CHN2: variants seen among roughly 807,000 people sequenced by gnomAD.
CHN2 encodes the protein beta-chimaerin.
Under a neutral mutation model 56.3 loss-of-function variants are expected in CHN2, and 35 were observed. That is an observed-to-expected ratio of 0.62 (90% CI 0.47 to 0.82). The LOEUF (loss-of-function observed/expected upper bound fraction) is 0.82. Ranked by LOEUF, CHN2 falls within the 40% of genes least tolerant of loss-of-function variation. CHN2 has a pLI of 0.00. For missense variants in CHN2, 491 were observed against 580.5 expected (o/e 0.85, Z 1.58); for synonymous variants, 210 against 212.8 (o/e 0.99, Z 0.12).
chr7:29,293,715 C>G (rs1381746486), intron 1 of CHN2, among the ~76,000 whole-genome samples: 1 of 152,204 alleles, frequency 6.6e-6, no homozygotes, highest in Non-Finnish European at 1.5e-5. Context: ...CAAGCACGTA[C>G]TTGAAAGGCA....
intron 1 of CHN2, among the ~76,000 whole-genome samples, chr7:29,255,466 C>T (rs1288168831): frequency 6.6e-6 from 1 of 152,168 alleles, no homozygotes; most frequent in Admixed American, 6.5e-5. Context: ...TAGAACCTTC[C>T]AGCCATGAGG....
rs1489033406 is a variant in CHN2, at chr7:29,472,277, A to ACACACACACACACACACACACG, written c.577-7989_577-7968dup. ...AGAAGCTTTTCAAAACAAAATACAC[A>ACACACACACACACACACACACG]CACACACACACACACACACACGCAC... On this transcript the variant is annotated intron_variant, in intron 6 of 12. Coordinates refer to ENST00000222792, the MANE Select transcript of CHN2 (RefSeq NM_004067.4). Among the ~76,000 whole-genome samples, 65 of 136,642 alleles carry ACACACACACACACACACACACG rather than the reference A, an allele frequency of 4.8e-4. 1 individual carries two copies. Among genetic ancestry groups the ACACACACACACACACACACACG allele is most frequent in the South Asian group, 3.9e-3 (18 of 4,626 alleles). 89.6% of individuals were successfully genotyped at this position (136,642 alleles called of 152,430 possible).
intron 3 of CHN2, among the ~76,000 whole-genome samples, chr7:29,372,417 G>T (rs1330205225): frequency 1.3e-5 from 2 of 152,050 alleles, no homozygotes; most frequent in Admixed American, 6.5e-5. Context: ...CTTGTTTATT[G>T]TATCTGTGGC....
chr7:29,403,637 C>T (rs1018316840), intron 6 of CHN2, among the ~76,000 whole-genome samples: 4 of 151,020 alleles, frequency 2.6e-5, no homozygotes, highest in Admixed American at 1.3e-4. Context: ...TTTTAATAAC[C>T]GTAGATGAGA....
intron 6 of CHN2, among the ~76,000 whole-genome samples, chr7:29,419,069 A>T (rs1034786105): frequency 6.6e-6 from 1 of 151,918 alleles, no homozygotes; most frequent in African/African-American, 2.4e-5. Context: ...ATTTTCCAAG[A>T]ACTGACAACT....
chr7:29,190,219 G>A (rs1267394965), upstream of CHN2, among the ~76,000 whole-genome samples: 1 of 152,248 alleles, frequency 6.6e-6, no homozygotes, highest in Non-Finnish European at 1.5e-5. Context: ...GCATTTTGAT[G>A]TTGAGAAATT....
Position 29,504,759 on chromosome 7 carries a change from G to C in CHN2, c.929G>C (p.Gly310Ala). ...EIEARGLKSE[G>A]LYRVSGFTEH... ...TCTCTAACAGGATTAAAATCGGAAG[G>C]CCTTTACAGAGTCTCTGGGTTCACT... The change falls in exon 10 of 13, where the codon GGC becomes GCC. Residue 310 changes from glycine to alanine, a missense_variant. By Grantham distance (60) the Gly-to-Ala change is moderately conservative. Transcript: ENST00000222792. 1 of 1,611,330 alleles carries C rather than the reference G, an allele frequency of 6.2e-7. No individual in the cohort carries two copies. Among genetic ancestry groups the C allele is most frequent in the Non-Finnish European group, 8.5e-7 (1 of 1,178,712 alleles).
chr7:29,390,486 A>G (rs989946793), intron 3 of CHN2, among the ~76,000 whole-genome samples: 1 of 152,170 alleles, frequency 6.6e-6, no homozygotes, highest in African/African-American at 2.4e-5. Context: ...TTGTCATGAT[A>G]TATTGCATTT....
chr7:29,495,099 C>G (rs184352922), intron 7 of CHN2, among the ~76,000 whole-genome samples: 104 of 152,106 alleles, frequency 6.8e-4, no homozygotes, highest in African/African-American at 2.5e-3. Flanking sequence ...TGTATGGCCC[C>G]GATAGACTGC....
chr7:29,183,388 T>C (rs977535614), intron 2 of CHN2, among the ~76,000 whole-genome samples: 9 of 149,604 alleles, frequency 6.0e-5, no homozygotes, highest in African/African-American at 2.2e-4. Context: ...CTAGCCTTTT[T>C]TTTTTTGAGA....
intron 6 of CHN2, 105 bp downstream of exon 6, chr7:29,400,933 C>A: frequency 8.8e-7 from 1 of 1,136,758 alleles, no homozygotes; most frequent in Non-Finnish European, 1.2e-6. Flanking sequence ...GAGACCCACC[C>A]CCACCCGAAG....
chr7:29,454,220 T>TAGAGAAC (rs58018514), intron 6 of CHN2, among the ~76,000 whole-genome samples: 21,325 of 152,008 alleles, frequency 0.14, 1,877 homozygotes, highest in East Asian at 0.26. Context: ...GCATGCTAGG[T>TAGAGAAC]ACAGGGGAGC....
rs139390566 is a variant in CHN2, at chr7:29,175,134, C to T, written c.274+28174C>T. On this transcript the variant is annotated intron_variant, in intron 2 of 6. Coordinates refer to the CHN2 transcript ENST00000439384. ...TGCTTCCCCCATACTGTTCTCATGG[C>T]AGTGAATAAGTCTCATGAGATGTGA... 2.6e-3 allele frequency among the ~76,000 whole-genome samples: 400 copies of T among 151,656 alleles called. 3 individuals carry two copies. The highest frequency in any genetic ancestry group is 9.3e-3 in the African/African-American group (385 of 41,386).
chr7:29,367,997 C>G lies in CHN2; in HGVS notation c.144+10C>G. ...CATTTGTCCTCGGGAGGTCAGTGCTCAGCTATTTCCAATACACCTTGTTAA... is the reference window on the plus strand; with the variant it reads ...CATTTGTCCTCGGGAGGTCAGTGCTGAGCTATTTCCAATACACCTTGTTAA... On this transcript the variant is annotated intron_variant, in intron 3 of 12. Transcript: ENST00000222792. 6.2e-7 allele frequency: 1 copy of G among 1,606,254 alleles called. No homozygotes were observed. Among genetic ancestry groups the G allele is most frequent in the Non-Finnish European group, 8.5e-7 (1 of 1,176,152 alleles).
intron 2 of CHN2, among the ~76,000 whole-genome samples, chr7:29,164,244 T>C (rs1339908979): frequency 6.6e-6 from 1 of 152,232 alleles, no homozygotes; most frequent in Non-Finnish European, 1.5e-5. Context: ...TAATGACTAA[T>C]GATGTCCAGC....
intron 1 of CHN2, among the ~76,000 whole-genome samples, chr7:29,196,306 G>C (rs955838697): frequency 9.9e-5 from 15 of 152,126 alleles, no homozygotes; most frequent in African/African-American, 3.1e-4. Flanking sequence ...TTCCTTTCTC[G>C]ATCACTGCCA....
intron 6 of CHN2, among the ~76,000 whole-genome samples, chr7:29,437,015 G>A (rs1013973960): frequency 6.6e-6 from 1 of 151,706 alleles, no homozygotes; most frequent in Non-Finnish European, 1.5e-5. Context: ...TGAATAATAA[G>A]TAGAGGATAC....
chr7:29,421,195 A>G (rs117323937), intron 6 of CHN2, among the ~76,000 whole-genome samples: 3,834 of 152,290 alleles, frequency 0.025, 63 homozygotes, highest in Admixed American at 0.036. Flanking sequence ...GGTCAACTCA[A>G]GTTCATTTCT....
chr7:29,156,054 A>C (rs770316979), intron 2 of CHN2, among the ~76,000 whole-genome samples: 1 of 152,216 alleles, frequency 6.6e-6, no homozygotes, highest in Non-Finnish European at 1.5e-5. Flanking sequence ...GTGCTGAGGG[A>C]TAAACCGGCG....
Sources: gnomAD v4.1 joint callset for allele counts (sites outside exome capture counted in the v4.1 genomes callset) on GRCh38, gnomAD v4.1.1 for gene constraint, MANE v1.5 for transcripts, NCBI Gene and HGNC (gene_info 2026-07-23, HGNC 2026-07-21) for gene names.